TRPM7: variants seen among roughly 807,000 people sequenced by gnomAD.
The protein encoded by TRPM7 is LTRPC ion channel family member 7.
Under a neutral mutation model 229.7 loss-of-function variants are expected in TRPM7, and 134 were observed. That is an observed-to-expected ratio of 0.58 (90% CI 0.51 to 0.67). The LOEUF (loss-of-function observed/expected upper bound fraction) is 0.67, where lower values mean the gene tolerates loss of function less well. Among genes scored for constraint, TRPM7 ranks in the 30% least tolerant of loss-of-function variants. TRPM7 has a pLI of 0.00. For synonymous variants in TRPM7, 699 were observed against 715.2 expected, an observed-to-expected ratio of 0.98 and a Z score of 0.36; for missense variants, 1,901 against 2,210.0, an observed-to-expected ratio of 0.86 and a Z score of 2.80.
chr15:50,578,034 C>T (rs2054220654), intron 31 of TRPM7, among the ~76,000 whole-genome samples: 1 of 152,096 alleles, frequency 6.6e-6, no homozygotes, highest in Non-Finnish European at 1.5e-5. Context: ...CGCACATACA[C>T]CCCAAAATAG....
chr15:50,648,624 A>C, intron 4 of TRPM7, 63 bp downstream of exon 4: 2 of 1,454,790 alleles, frequency 1.4e-6, no homozygotes, highest in Non-Finnish European at 1.9e-6. Flanking sequence ...ATTGCTACAC[A>C]AATTGTGATG....
chr15:50,606,919 T>G (rs1208790408), intron 20 of TRPM7, among the ~76,000 whole-genome samples: 1 of 152,176 alleles, frequency 6.6e-6, no homozygotes, highest in African/African-American at 2.4e-5. Flanking sequence ...ATGTGAATGT[T>G]CAGGAAATAA....
chr15:50,649,271 G>A (rs1359379767), intron 3 of TRPM7, among the ~76,000 whole-genome samples: 1 of 151,828 alleles, frequency 6.6e-6, no homozygotes, highest in African/African-American at 2.4e-5. Context: ...ACCCTGACTT[G>A]ACAAAAAATT....
chr15:50,681,733 T>C (rs1467635201), intron 1 of TRPM7, among the ~76,000 whole-genome samples: 1 of 152,244 alleles, frequency 6.6e-6, no homozygotes, highest in East Asian at 1.9e-4. Context: ...TCCAGAAGTC[T>C]GGCAGCTGGA....
chr15:50,664,195 G>C (rs1300890282), intron 1 of TRPM7, among the ~76,000 whole-genome samples: 1 of 151,616 alleles, frequency 6.6e-6, no homozygotes, highest in Non-Finnish European at 1.5e-5. Context: ...CTACTCCGGA[G>C]GCTGAGGCAG....
In TRPM7 at chr15:50,558,702, AAAAT is replaced by A. The variant is rs1477267897; in HGVS notation, c.*2972_*2975del. The A allele has an allele frequency of 6.7e-6, 1 of 148,890 alleles. No individual in the cohort carries two copies. The highest frequency in any genetic ancestry group is 2.1e-4 in the East Asian group (1 of 4,752). 9.2% of individuals were successfully genotyped at this position (148,890 alleles called of 1,614,324 possible). A position where few individuals can be genotyped will look rare whatever the true frequency, so the allele number is the denominator to read the frequency against. On this transcript the variant is annotated 3_prime_UTR_variant, in exon 39 of 39. Coordinates refer to ENST00000646667, the MANE Select transcript of TRPM7 (RefSeq NM_017672.6). ...AGTGAGACTTCAACTCAAAAAAACA[AAAAT>A]AAATAAAAATGAAAAATAAAAAAAT...
chr15:50,570,495 T>TA (rs1175130196), intron 36 of TRPM7, among the ~76,000 whole-genome samples: 2 of 152,074 alleles, frequency 1.3e-5, no homozygotes, highest in Admixed American at 6.6e-5. Flanking sequence ...TGTTTCATCT[T>TA]AGTTAGCAAA....
chr15:50,686,318 A>AG (rs1242526691), intron 1 of TRPM7, among the ~76,000 whole-genome samples: 1 of 152,136 alleles, frequency 6.6e-6, no homozygotes, highest in Non-Finnish European at 1.5e-5. Flanking sequence ...TCCCGCGAAG[A>AG]GGTGTCGCCT....
intron 29 of TRPM7, among the ~76,000 whole-genome samples, chr15:50,581,172 TA>T (rs1159809472): frequency 1.3e-5 from 2 of 152,220 alleles, no homozygotes; most frequent in Non-Finnish European, 2.9e-5. Context: ...TATGAATTTT[TA>T]TATTGTTTGA....
chr15:50,623,822 T>C (rs1596234025), intron 12 of TRPM7, among the ~76,000 whole-genome samples: 1 of 148,576 alleles, frequency 6.7e-6, no homozygotes, highest in South Asian at 2.1e-4. Flanking sequence ...AAAAAAGCAA[T>C]GCATAATTCC....
At chr15:50,684,589 C>T (rs905485175) in intron 1 of TRPM7, among the ~76,000 whole-genome samples, 4 of 151,482 alleles carry the variant, frequency 2.6e-5, no homozygotes, top group African/African-American at 7.3e-5. Flanking sequence ...TGCAGTCAGC[C>T]GAGATCGCTA....
At chr15:50,634,640 T>G in intron 7 of TRPM7, 84 bp from the exon 8 acceptor site, 1 of 990,178 alleles carries the variant, frequency 1.0e-6, no homozygotes, top group South Asian at 3.6e-5. Flanking sequence ...CAAAATTCAG[T>G]ACTCTAATTT....
intron 22 of TRPM7, among the ~76,000 whole-genome samples, chr15:50,597,191 C>T (rs1261738566): frequency 1.3e-5 from 2 of 151,978 alleles, no homozygotes; most frequent in East Asian, 1.9e-4. Context: ...TTTTCATTAC[C>T]CCTAACTGAA....
intron 3 of TRPM7, among the ~76,000 whole-genome samples, chr15:50,651,805 T>C (rs916203064): frequency 6.6e-6 from 1 of 151,806 alleles, no homozygotes; most frequent in Non-Finnish European, 1.5e-5. Context: ...CAGAATTACT[T>C]GAACCCAGGA....
Position 50,631,438 on chromosome 15 carries a change from T to C in TRPM7, c.1183A>G (p.Ile395Val), listed in dbSNP as rs770751364. The stretch of plus-strand genomic sequence containing the variant: ...TTACCTTTTAGCAGTGCAGTAAGTA[T>C]TGCTACATCTATATCTTGATGTTCA... ...SDEHQDIDVAILTALLKGTNA... is the reference protein window; with the variant it reads ...SDEHQDIDVAVLTALLKGTNA... The change falls in exon 10 of 39, where the codon ATA becomes GTA. Residue 395 changes from isoleucine to valine, a missense_variant. Physicochemically the swap from Ile to Val is conservative, Grantham distance 29 (BLOSUM62 3). Coordinates refer to ENST00000646667, the MANE Select transcript of TRPM7 (RefSeq NM_017672.6). 9 of 1,609,796 alleles carry C rather than the reference T, an allele frequency of 5.6e-6. No homozygotes were observed. Among genetic ancestry groups the C allele is most frequent in the African/African-American group, 4.0e-5 (3 of 74,822 alleles).
intron 1 of TRPM7, among the ~76,000 whole-genome samples, chr15:50,673,663 T>C (rs2062038039): frequency 6.6e-6 from 1 of 152,206 alleles, no homozygotes; most frequent in Non-Finnish European, 1.5e-5. Flanking sequence ...ACAGTTTCTT[T>C]ATCCACTCGT....
At chr15:50,618,551 C>A (rs1396902355) in intron 13 of TRPM7, among the ~76,000 whole-genome samples, 1 of 150,988 alleles carries the variant, frequency 6.6e-6, no homozygotes, top group African/African-American at 2.4e-5. Context: ...GCCTGGGCGA[C>A]AGAGCAAGAT....
chr15:50,571,269 A>C (rs756022562), intron 36 of TRPM7, among the ~76,000 whole-genome samples: 3 of 152,258 alleles, frequency 2.0e-5, no homozygotes, highest in Non-Finnish European at 4.4e-5. Context: ...ACTTCCGTAG[A>C]AGGCTGAGTA....
chr15:50,658,480 G>C (rs758047953), intron 2 of TRPM7, among the ~76,000 whole-genome samples: 23 of 151,830 alleles, frequency 1.5e-4, no homozygotes, highest in Non-Finnish European at 2.8e-4. Flanking sequence ...TGAGGTGGGA[G>C]GATTCCTTGA....
Sources: allele counts gnomAD v4.1 joint callset (sites outside exome capture counted in the v4.1 genomes callset), GRCh38; gene constraint gnomAD v4.1.1; transcripts MANE v1.5; gene names NCBI Gene and HGNC (gene_info 2026-07-23, HGNC 2026-07-21).